Variants in DGKH observed in about 807,000 individuals in gnomAD.
The protein encoded by DGKH is DAG kinase eta.
Under a neutral mutation model 159.3 loss-of-function variants are expected in DGKH, and 90 were observed. The observed-to-expected ratio is 0.57, with a 90% confidence interval of 0.48 to 0.67. The LOEUF is 0.67. DGKH is among the 30% of genes least tolerant of loss of function. The probability of loss-of-function intolerance (pLI) is 0.00; values close to 1 mark genes in which losing one functional copy is unlikely to be tolerated. For synonymous variants in DGKH, 536 were observed against 553.8 expected (o/e 0.97, Z 0.45); for missense variants, 1,181 against 1,506.1 (o/e 0.78, Z 3.57).
intron 1 of DGKH, among the ~76,000 whole-genome samples, chr13:42,117,115 G>C (rs943137654): frequency 1.3e-5 from 2 of 152,166 alleles, no homozygotes; most frequent in African/African-American, 2.4e-5. Context: ...GAGGAGGGGG[G>C]AGTTAATGCC....
chr13:42,143,359 C>CT (rs969199453), intron 3 of DGKH, among the ~76,000 whole-genome samples: 25 of 151,660 alleles, frequency 1.6e-4, no homozygotes, highest in African/African-American at 4.1e-4. Context: ...CTAAAATTCT[C>CT]TTTTTTTTGT....
intron 2 of DGKH, among the ~76,000 whole-genome samples, chr13:42,128,893 G>T (rs373928286): frequency 2.0e-5 from 3 of 152,132 alleles, no homozygotes; most frequent in African/African-American, 7.2e-5. Flanking sequence ...TCTAGTTTCC[G>T]CAGTTCTTGC....
At chr13:42,214,675 A>G in intron 25 of DGKH, 63 bp downstream of exon 25, 2 of 1,488,930 alleles carry the variant, frequency 1.3e-6, no homozygotes, top group Non-Finnish European at 1.8e-6. Flanking sequence ...ATGTATTTTA[A>G]TACTGTAAAA....
In DGKH at chr13:42,170,932, G is replaced by C. The variant is rs533517116; in HGVS notation, c.1367+2114G>C. Among the ~76,000 whole-genome samples, 252 of 110,420 alleles carry C rather than the reference G, an allele frequency of 2.3e-3. 1 individual carries two copies. Among genetic ancestry groups the C allele is most frequent in the Non-Finnish European group, 4.0e-3 (208 of 51,982 alleles). The allele number at this position is 110,420 out of a possible 152,430, so 72.4% of individuals were successfully genotyped here. A position where few individuals can be genotyped will look rare whatever the true frequency, so the allele number is the denominator to read the frequency against. ...CACTGAAGCCTGGCCAACAGAGCGA[G>C]ACTCTGTCTCAAAAAAAAAAAAAAA... On this transcript the variant is annotated intron_variant, in intron 11 of 29. Coordinates refer to ENST00000337343, the MANE Select transcript of DGKH (RefSeq NM_178009.5).
chr13:42,163,853 G>A (rs560065261), intron 7 of DGKH, among the ~76,000 whole-genome samples: 2,492 of 152,084 alleles, frequency 0.016, 39 homozygotes, highest in Middle Eastern at 0.034. Flanking sequence ...CTGTGCAGAA[G>A]CTCTTTAGTT....
At chr13:42,135,489 C>CACAAAAA (rs1223953901) in intron 3 of DGKH, among the ~76,000 whole-genome samples, 3 of 50,956 alleles carry the variant, frequency 5.9e-5, no homozygotes, top group East Asian at 1.3e-3. Flanking sequence ...GACCCTGTCT[C>CACAAAAA]AGAAAAAAAA....
In DGKH at chr13:42,231,470, T is replaced by G. The variant is rs1958292580; in HGVS notation, c.*2282T>G. The G allele has an allele frequency of 6.6e-6, 1 of 152,222 alleles. No homozygotes were observed. The highest frequency in any genetic ancestry group is 2.1e-4 in the South Asian group (1 of 4,826). The allele number at this position is 152,222 out of a possible 1,614,324, so 9.4% of individuals were successfully genotyped here. On this transcript the variant is annotated 3_prime_UTR_variant, in exon 30 of 30. Coordinates refer to ENST00000337343, the MANE Select transcript of DGKH (RefSeq NM_178009.5). ...TGATAGTCCCACCTAAGTGCTGTCCTGCTCCTGTGAACACTTTCCTGTGCA... is the reference window on the plus strand; with the variant it reads ...TGATAGTCCCACCTAAGTGCTGTCCGGCTCCTGTGAACACTTTCCTGTGCA...
At chr13:42,066,616 T>C (rs1183513297) in intron 1 of DGKH, 2 of 152,228 alleles carry the variant, frequency 1.3e-5, no homozygotes, top group African/African-American at 4.8e-5. Flanking sequence ...TTTTCACATG[T>C]GAAAAATTGG....
Position 42,155,350 on chromosome 13 carries a change from T to C in DGKH, c.444T>C (p.Asp148=). Residue 148 remains aspartate (D), a synonymous_variant, in exon 4 of 30, where the codon GAT becomes GAC. Transcript: ENST00000337343. ...CTGAGAACAGAAAGGAGATGGAGGA[T>C]TGGATCAGCTCACTGAAGTCTGTAC... The part of the protein sequence containing the change: ...LCAENRKEME[D]WISSLKSVQT... 3 of 1,612,728 alleles carry C rather than the reference T, an allele frequency of 1.9e-6. No homozygotes were observed. Among genetic ancestry groups the C allele is most frequent in the Non-Finnish European group, 2.5e-6 (3 of 1,179,724 alleles).
rs537859176 is a variant in DGKH, at chr13:42,054,881, T to C, written c.192+5916T>C. 1.5e-4 allele frequency among the ~76,000 whole-genome samples: 23 copies of C among 152,208 alleles called. No individual in the cohort carries two copies. The East Asian group carries it at 2.1e-3, about 14-fold the overall frequency. On this transcript the variant is annotated intron_variant, in intron 1 of 29. Coordinates refer to ENST00000337343, the MANE Select transcript of DGKH (RefSeq NM_178009.5). ...CAATTTTTATTTGTCAATTATACCT[T>C]AGTAAAGAAAAAGAAAAAAAATTAC...
intron 11 of DGKH, 138 bp downstream of exon 11, chr13:42,168,956 C>G (rs1956375521): frequency 1.1e-6 from 1 of 940,202 alleles, no homozygotes; most frequent in Admixed American, 3.0e-5. Flanking sequence ...CTGATCTTGT[C>G]CACTGGTTAA....
At chr13:42,098,809 A>G (rs1440127207) in intron 1 of DGKH, among the ~76,000 whole-genome samples, 1 of 152,236 alleles carries the variant, frequency 6.6e-6, no homozygotes, top group Non-Finnish European at 1.5e-5. Flanking sequence ...TGAGGTAATT[A>G]TATTCTTAAG....
At chr13:42,145,112 A>T (rs1186371803) in intron 3 of DGKH, among the ~76,000 whole-genome samples, 2 of 152,256 alleles carry the variant, frequency 1.3e-5, no homozygotes, top group African/African-American at 4.8e-5. Flanking sequence ...GAAAATCATG[A>T]AATTAGTTTC....
rs899359450 is a variant in DGKH, at chr13:42,210,612, G to A, written c.2861G>A (p.Ser954Asn). 11 of 1,611,590 alleles carry A rather than the reference G, an allele frequency of 6.8e-6. No individual in the cohort carries two copies. The highest frequency in any genetic ancestry group is 1.3e-5 in the African/African-American group (1 of 74,782). The change falls in exon 24 of 30, where the codon AGC (serine) becomes AAC (asparagine). Residue 954 changes from serine to asparagine, a missense_variant. By Grantham distance (46) the Ser-to-Asn change is conservative. Transcript: ENST00000337343. ...ATTGACTTTAAATAGGCCTTTGAGAGCACTCTGAAATCTTGGGAAGATAAG... is the reference window on the plus strand; with the variant it reads ...ATTGACTTTAAATAGGCCTTTGAGAACACTCTGAAATCTTGGGAAGATAAG... ...QMLTRDRAFESTLKSWEDKQK... is the reference protein window; with the variant it reads ...QMLTRDRAFENTLKSWEDKQK...
At chr13:42,071,941 TG>T (rs1883002517) in intron 1 of DGKH, among the ~76,000 whole-genome samples, 1 of 152,174 alleles carries the variant, frequency 6.6e-6, no homozygotes, top group South Asian at 2.1e-4. Flanking sequence ...GACAGAAGGA[TG>T]TGGTTTACTT....
chr13:42,147,621 C>T (rs370407637), intron 3 of DGKH, among the ~76,000 whole-genome samples: 4 of 152,036 alleles, frequency 2.6e-5, no homozygotes, highest in Non-Finnish European at 5.9e-5. Flanking sequence ...CTGGTACAGT[C>T]GGAAAATATT....
In DGKH at chr13:42,237,531, C is replaced by A. The variant is rs887219625; in HGVS notation, c.*8343C>A. ...TCTTTCACCTTATATGATAGAAACA[C>A]AAGGCACACGTGAGCTGTATAGTGT... On this transcript the variant is annotated 3_prime_UTR_variant, in exon 30 of 30. Transcript: ENST00000337343. 1.3e-5 allele frequency: 2 copies of A among 152,164 alleles called. No individual in the cohort carries two copies. Among genetic ancestry groups the A allele is most frequent in the Non-Finnish European group, 2.9e-5 (2 of 68,032 alleles). The allele number at this position is 152,164 out of a possible 1,614,324, so 9.4% of individuals were successfully genotyped here. A position where few individuals can be genotyped will look rare whatever the true frequency, so the allele number is the denominator to read the frequency against.
rs899873475 is a variant in DGKH at position 42,233,951 on chromosome 13, A to G, written c.*4763A>G. 6.6e-6 allele frequency: 1 copy of G among 152,248 alleles called. No individual in the cohort carries two copies. The highest frequency in any genetic ancestry group is 1.5e-5 in the Non-Finnish European group (1 of 68,050). The allele number at this position is 152,248 out of a possible 1,614,324, so 9.4% of individuals were successfully genotyped here. On this transcript the variant is annotated 3_prime_UTR_variant, in exon 30 of 30. Coordinates refer to ENST00000337343, the MANE Select transcript of DGKH (RefSeq NM_178009.5). ...AATGAATTGTTAGTCATGCAAAAAA[A>G]GAAAAGGAATGAACCAAGATGATTG... is the stretch of plus-strand genomic sequence containing the variant.
chr13:42,149,985 T>C (rs1026162053), intron 3 of DGKH, among the ~76,000 whole-genome samples: 5 of 152,228 alleles, frequency 3.3e-5, no homozygotes, highest in African/African-American at 4.8e-5. Flanking sequence ...TTGAGTTCTT[T>C]TATTTACCTT....
Sources: gnomAD v4.1 joint callset for allele counts (sites outside exome capture counted in the v4.1 genomes callset) on GRCh38, gnomAD v4.1.1 for gene constraint, MANE v1.5 for transcripts, NCBI Gene and HGNC (gene_info 2026-07-23, HGNC 2026-07-21) for gene names.